ZNF226: variants seen among roughly 807,000 people sequenced by gnomAD.
ZNF226 encodes Kruppel-associated box protein.
A neutral mutation model predicts 11.4 loss-of-function variants in ZNF226; 6 were observed. The ratio of observed to expected loss-of-function variants is 0.53; its 90% CI spans 0.29 to 1.04. ZNF226 has a LOEUF of 1.04. ZNF226 is among the 50% of genes least tolerant of loss of function. ZNF226 has a pLI of 0.08. For missense variants in ZNF226, 1,058 were observed against 956.5 expected (o/e 1.11, Z -1.40); for synonymous variants, 350 against 322.8 (o/e 1.08, Z -0.90).
chr19:44,176,504 A>G lies in ZNF226; in HGVS notation c.1242A>G (p.Thr414=). 3.1e-6 allele frequency: 5 copies of G among 1,614,072 alleles called. No homozygotes were observed. The highest frequency in any genetic ancestry group is 4.2e-6 in the Non-Finnish European group (5 of 1,179,994). Residue 414 remains threonine, a synonymous_variant, in exon 6 of 6, where the codon ACA becomes ACG. Coordinates refer to ENST00000337433, the MANE Select transcript of ZNF226 (RefSeq NM_001032373.2). ...TTCAATCCCATCAAAGAGTTCATAC[A>G]GGAGAGAAACCATACAAATGTGAGG... is the stretch of plus-strand genomic sequence containing the variant. ...SHLQSHQRVH[T]GEKPYKCEEC...
chr19:44,172,030 T>C, intron 3 of ZNF226, 58 bp from the exon 4 acceptor site: 2 of 1,590,300 alleles, frequency 1.3e-6, no homozygotes, highest in Non-Finnish European at 1.7e-6. Flanking sequence ...GTTCTCAGTG[T>C]TACCCATCTT....
Position 44,177,283 on chromosome 19 carries a change from A to T in ZNF226, c.2021A>T (p.Asp674Val). 3.1e-6 allele frequency: 5 copies of T among 1,614,198 alleles called. No individual in the cohort carries two copies. The highest frequency in any genetic ancestry group is 4.2e-6 in the Non-Finnish European group (5 of 1,180,026). ...VHTGDKPYKC[D>V]ECGKGFKWSL... ...ACTGGAGATAAGCCATACAAATGTGATGAGTGTGGGAAGGGCTTCAAGTGG... is the reference window on the plus strand; with the variant it reads ...ACTGGAGATAAGCCATACAAATGTGTTGAGTGTGGGAAGGGCTTCAAGTGG... The change falls in exon 6 of 6, where the codon GAT (aspartate) becomes GTT (valine). Residue 674 changes from aspartate to valine, a missense_variant. Coordinates refer to ENST00000337433, the MANE Select transcript of ZNF226 (RefSeq NM_001032373.2).
Position 44,176,185 on chromosome 19 carries a change from A to C in ZNF226, c.923A>C (p.Lys308Thr). The change falls in exon 6 of 6, where the codon AAG becomes ACG. Residue 308 changes from lysine (K) to threonine (T), a missense_variant. Physicochemically the swap from Lys to Thr is moderately conservative, Grantham distance 78. Transcript: ENST00000337433. ...HQKVHVGEKL[K>T]CDECGKEFSQ... Reference sequence around the variant, plus strand: ...AAAGTACATGTGGGAGAAAAACTTAAGTGTGATGAGTGTGGTAAGGAATTC... The same window carrying C: ...AAAGTACATGTGGGAGAAAAACTTACGTGTGATGAGTGTGGTAAGGAATTC... 6.2e-7 allele frequency: 1 copy of C among 1,614,148 alleles called. No homozygotes were observed. The highest frequency in any genetic ancestry group is 8.5e-7 in the Non-Finnish European group (1 of 1,180,032).
downstream of ZNF226, chr19:44,178,257 C>G (rs1281001145): frequency 6.5e-6 from 1 of 153,178 alleles, no homozygotes; most frequent in East Asian, 1.9e-4. Flanking sequence ...GTCTAGTTTT[C>G]TACTGGTTTT....
chr19:44,191,246 T>C, the ZNF226 span, among the ~76,000 whole-genome samples: 3 of 152,290 alleles, frequency 2.0e-5, no homozygotes, highest in East Asian at 5.8e-4. Flanking sequence ...ATCAAAACTA[T>C]GGATGTCAAA....
At position 44,176,880 on chromosome 19, in the gene ZNF226, T is replaced by A. The variant is rs748898280; in HGVS notation, c.1618T>A (p.Phe540Ile). 8.7e-6 allele frequency: 14 copies of A among 1,614,014 alleles called. No individual in the cohort carries two copies. The South Asian group carries it at 1.5e-4, about 18-fold the overall frequency. The change falls in exon 6 of 6, where the codon TTC becomes ATC. Residue 540 changes from phenylalanine to isoleucine, a missense_variant. Physicochemically the swap from Phe to Ile is conservative, Grantham distance 21. Transcript: ENST00000337433. ...TAAATGTGAGATATGTGGGAAGGGC[T>A]TCAGTCAAAGTTCGTATCTTCAAAT... ...PYKCEICGKG[F>I]SQSSYLQIHQ...
Position 44,176,952 on chromosome 19 carries a change from T to G in ZNF226, c.1690T>G (p.Cys564Gly), listed in dbSNP as rs1429177885. 1 of 1,613,392 alleles carries G rather than the reference T, an allele frequency of 6.2e-7. No homozygotes were observed. Among genetic ancestry groups the G allele is most frequent in the South Asian group, 1.1e-5 (1 of 91,068 alleles). ...AGAGAAACCTTTTAAGTGTGAGGAG[T>G]GTGGGCAGGGTTTCAATCAGAGCTC... Reference protein sequence around the residue: ...SIEKPFKCEECGQGFNQSSRL... With the variant: ...SIEKPFKCEEGGQGFNQSSRL... Residue 564 changes from cysteine to glycine, a missense_variant, in exon 6 of 6, where the codon TGT becomes GGT. Coordinates refer to ENST00000337433, the MANE Select transcript of ZNF226 (RefSeq NM_001032373.2).
Position 44,175,005 on chromosome 19 carries a change from T to C in ZNF226, c.236-493T>C, listed in dbSNP as rs1351600496. The C allele has an allele frequency of 2.5e-6, 4 of 1,611,488 alleles. No individual in the cohort carries two copies. The East Asian group carries it at 8.9e-5, about 36-fold the overall frequency. On this transcript the variant is annotated intron_variant, in intron 5 of 5. Transcript: ENST00000337433. ...TCAGATACCTTACTTGTAAAAGCTC[T>C]TTTGCTCTATGACCTGGCTCAAACT...
intron 5 of ZNF226, chr19:44,173,418 T>C (rs1970345363): frequency 5.5e-6 from 1 of 180,244 alleles, no homozygotes; most frequent in African/African-American, 2.3e-5. Flanking sequence ...CCTATAATCC[T>C]TCTGGTCCCT....
intron 2 of ZNF226, chr19:44,169,507 T>A (rs1969826383): frequency 6.6e-6 from 1 of 152,286 alleles, no homozygotes; most frequent in African/African-American, 2.4e-5. Context: ...ATTCTGTTGG[T>A]GGAAATTATA....
At chr19:44,166,681 C>G (rs183888287) in intron 2 of ZNF226, 3 of 152,082 alleles carry the variant, frequency 2.0e-5, no homozygotes, top group Admixed American at 6.6e-5. Flanking sequence ...TCAAGTTTTT[C>G]TTGTATATAT....
chr19:44,183,648 T>C, the ZNF226 span, among the ~76,000 whole-genome samples: 1 of 152,218 alleles, frequency 6.6e-6, no homozygotes, highest in African/African-American at 2.4e-5. Flanking sequence ...CATATGCTGA[T>C]TGATTCACTC....
In ZNF226 at chr19:44,177,036, T is replaced by C. The variant is rs763987545; in HGVS notation, c.1774T>C (p.Cys592Arg). The C allele has an allele frequency of 1.6e-5, 26 of 1,613,770 alleles. No individual in the cohort carries two copies. In the East Asian group the frequency reaches 5.1e-4, roughly 32 times the overall value. The stretch of plus-strand genomic sequence containing the variant: ...TGAGAAACCATACAAATGTGAAGAG[T>C]GTGGCAAGGGATTTAGTCGTAGAGC... ...TGEKPYKCEE[C>R]GKGFSRRADL... The change falls in exon 6 of 6, where the codon TGT becomes CGT. Residue 592 changes from cysteine to arginine, a missense_variant. Transcript: ENST00000337433.
intron 2 of ZNF226, chr19:44,166,959 C>A (rs1000012879): frequency 6.6e-6 from 1 of 152,138 alleles, no homozygotes; most frequent in East Asian, 1.9e-4. Flanking sequence ...GAAAACTGAC[C>A]CTGCCAGATG....
At chr19:44,175,291 G>A in intron 5 of ZNF226, 1 of 1,404,516 alleles carries the variant, frequency 7.1e-7, no homozygotes, top group Non-Finnish European at 9.2e-7. Flanking sequence ...TTAGTGCTTA[G>A]CAATTGGGAG....
At chr19:44,177,860 T>A, downstream of ZNF226, 1 of 645,974 alleles carries the variant, frequency 1.5e-6, no homozygotes, top group Non-Finnish European at 2.4e-6. Context: ...AGAGGGGTGT[T>A]AAGAGTGAAA....
chr19:44,180,562 C>T (rs1173638949), downstream of ZNF226, among the ~76,000 whole-genome samples: 1 of 152,122 alleles, frequency 6.6e-6, no homozygotes, highest in Non-Finnish European at 1.5e-5. Flanking sequence ...AAAAAACTAC[C>T]CCCTGTGGGC....
At chr19:44,182,435 G>C (rs760418004), downstream of ZNF226, among the ~76,000 whole-genome samples, 1 of 152,188 alleles carries the variant, frequency 6.6e-6, no homozygotes, top group Non-Finnish European at 1.5e-5. Flanking sequence ...ACAGCAGTGC[G>C]GGGGTTTGGA....
chr19:44,167,506 G>C (rs1599716605), intron 2 of ZNF226, among the ~76,000 whole-genome samples: 1 of 151,742 alleles, frequency 6.6e-6, no homozygotes, highest in African/African-American at 2.4e-5. Flanking sequence ...TTTTAGTAGC[G>C]ATGGGGTTCC....
Sources: gnomAD v4.1 joint callset for allele counts (sites outside exome capture counted in the v4.1 genomes callset) on GRCh38, gnomAD v4.1.1 for gene constraint, MANE v1.5 for transcripts, NCBI Gene and HGNC (gene_info 2026-07-23, HGNC 2026-07-21) for gene names.